The following FCRL2 variants were observed in gnomAD, a reference collection of about 807,000 sequenced individuals.
FCRL2 encodes Fc receptor like 2.
A neutral mutation model predicts 59.8 loss-of-function variants in FCRL2; 48 were observed. The observed-to-expected ratio is 0.80, with a 90% confidence interval of 0.64 to 1.02. The LOEUF (loss-of-function observed/expected upper bound fraction) is 1.02. Among genes scored for constraint, FCRL2 ranks in the 50% least tolerant of loss-of-function variants. The pLI, the probability that FCRL2 is intolerant of heterozygous loss-of-function variation, is 0.00. For missense variants in FCRL2, 658 were observed against 597.3 expected (o/e 1.10, Z -1.06); for synonymous variants, 251 against 229.5 (o/e 1.09, Z -0.85).
chr1:157,770,591 T>A lies in FCRL2; in HGVS notation c.128A>T (p.Asn43Ile), dbSNP rs760400703. ...SIVLKCQGEQ[N>I]WKIQKMAYHK... is the part of the protein sequence containing the mutation. ...GTAAGCCATCTTCTGAATTTTCCAG[T>A]TCTGTTCTCCCTGGCATTTCAGAAC... Residue 43 changes from asparagine to isoleucine, a missense_variant, in exon 3 of 12, where the codon AAC (asparagine) becomes ATC (isoleucine). Coordinates refer to ENST00000361516, the MANE Select transcript of FCRL2 (RefSeq NM_030764.4). 6.2e-7 allele frequency: 1 copy of A among 1,614,190 alleles called. No individual in the cohort carries two copies. Among genetic ancestry groups the A allele is most frequent in the East Asian group, 2.2e-5 (1 of 44,882 alleles).
At chr1:157,767,992 A>T (rs984050806) in intron 5 of FCRL2, 7 of 246,492 alleles carry the variant, frequency 2.8e-5, no homozygotes, top group Non-Finnish European at 4.6e-5. Context: ...CACACCAGTA[A>T]ATCACCAATA....
intron 5 of FCRL2, chr1:157,767,739 A>C: frequency 1.6e-4 from 243 of 1,486,708 alleles, no homozygotes; most frequent in Non-Finnish European, 1.9e-4. Flanking sequence ...TGTTGTTCTC[A>C]TCTGATTGTT....
intron 7 of FCRL2, among the ~76,000 whole-genome samples, chr1:157,757,297 T>C (rs957118285): frequency 1.4e-4 from 21 of 152,112 alleles, no homozygotes; most frequent in African/African-American, 5.1e-4. Flanking sequence ...GTGATTACAG[T>C]TGGAAATGGA....
chr1:157,768,825 C>T (rs1649746897), intron 4 of FCRL2, 124 bp from the exon 5 acceptor site: 1 of 935,860 alleles, frequency 1.1e-6, no homozygotes, highest in South Asian at 1.7e-5. Flanking sequence ...CCATTATAAG[C>T]ATTCCTATGG....
intron 1 of FCRL2, among the ~76,000 whole-genome samples, chr1:157,776,781 G>C: frequency 6.6e-6 from 1 of 151,818 alleles, no homozygotes; most frequent in Middle Eastern, 3.4e-3. Context: ...TGAGATCTAA[G>C]ATATCAAAAT....
rs554652859 is a variant in FCRL2 at position 157,768,945 on chromosome 1, T to G, written c.596-244A>C. On this transcript the variant is annotated intron_variant, in intron 4 of 11. Transcript: ENST00000361516. Reference sequence around the variant, plus strand: ...TAATATTTAAAGACTTTGTGATAGATCTCCATGAGACAGGAAACTGTTCAA... The same window carrying G: ...TAATATTTAAAGACTTTGTGATAGAGCTCCATGAGACAGGAAACTGTTCAA... 1.1e-4 allele frequency: 49 copies of G among 432,066 alleles called. 1 individual carries two copies. In the South Asian group the frequency reaches 2.2e-3, roughly 19 times the overall value. The allele number at this position is 432,066 out of a possible 1,614,324, so 26.8% of individuals were successfully genotyped here.
At position 157,770,557 on chromosome 1, in the gene FCRL2, A is replaced by G. The variant is rs375921670; in HGVS notation, c.162T>C (p.Asp54=). 3.7e-6 allele frequency: 6 copies of G among 1,614,240 alleles called. No individual in the cohort carries two copies. The highest frequency in any genetic ancestry group is 5.1e-6 in the Non-Finnish European group (6 of 1,180,030). Residue 54 remains aspartate, a synonymous_variant, in exon 3 of 12, where the codon GAT becomes GAC. Coordinates refer to ENST00000361516, the MANE Select transcript of FCRL2 (RefSeq NM_030764.4). ...TTTTGAAAACAGATAACTCTTTGTT[A>G]TCCTTATGGTAAGCCATCTTCTGAA... The part of the protein sequence containing the change: ...WKIQKMAYHK[D]NKELSVFKKF...
intron 7 of FCRL2, among the ~76,000 whole-genome samples, chr1:157,753,074 T>C (rs1300679884): frequency 4.6e-5 from 7 of 152,072 alleles, no homozygotes; most frequent in Non-Finnish European, 1.0e-4. Context: ...ACAAACAGAA[T>C]AGGGCATCAA....
At position 157,776,227 on chromosome 1, in the gene FCRL2, C is replaced by T. The variant is rs756337209; in HGVS notation, c.32-432G>A. 6.6e-5 allele frequency among the ~76,000 whole-genome samples: 10 copies of T among 152,178 alleles called. 1 individual carries two copies. Among genetic ancestry groups the T allele is most frequent in the African/African-American group, 1.9e-4 (8 of 41,456 alleles). On this transcript the variant is annotated intron_variant, in intron 1 of 11. Transcript: ENST00000361516. ...GTCTCTTTCCTATGGCCATATTTCA[C>T]GTTAGAGCCCTTTGTATTCCAATAA...
intron 2 of FCRL2, among the ~76,000 whole-genome samples, chr1:157,772,090 A>G (rs1348518357): frequency 6.6e-6 from 1 of 151,412 alleles, no homozygotes; most frequent in East Asian, 1.9e-4. Flanking sequence ...AATTAACTTA[A>G]TTCAAGATTT....
intron 7 of FCRL2, among the ~76,000 whole-genome samples, chr1:157,757,406 C>T (rs1648677835): frequency 6.6e-6 from 1 of 151,966 alleles, no homozygotes; most frequent in Non-Finnish European, 1.5e-5. Flanking sequence ...TTGAAGGGTA[C>T]AGCAAACAAC....
intron 7 of FCRL2, among the ~76,000 whole-genome samples, chr1:157,759,258 G>C (rs900317415): frequency 6.6e-6 from 1 of 152,180 alleles, no homozygotes; most frequent in African/African-American, 2.4e-5. Context: ...ATGTGGAACT[G>C]TGAGTCGATT....
chr1:157,756,529 A>C (rs1443830046), intron 7 of FCRL2, among the ~76,000 whole-genome samples: 1 of 152,136 alleles, frequency 6.6e-6, no homozygotes, highest in African/African-American at 2.4e-5. Context: ...GTAATTAAAA[A>C]ATTAGCAAGG....
At chr1:157,749,508 A>G (rs1648019123) in intron 8 of FCRL2, 142 bp downstream of exon 8, 2 of 578,812 alleles carry the variant, frequency 3.5e-6, no homozygotes, top group Admixed American at 6.0e-5. Flanking sequence ...GTAATGCAGT[A>G]GAGACAAGAG....
chr1:157,753,497 A>C (rs1386395770), intron 7 of FCRL2, among the ~76,000 whole-genome samples: 3 of 152,238 alleles, frequency 2.0e-5, no homozygotes, highest in Admixed American at 2.0e-4. Flanking sequence ...AGTTTAGGTA[A>C]GACAATGTCT....
At chr1:157,761,370 C>T (rs1057165705) in intron 7 of FCRL2, among the ~76,000 whole-genome samples, 2 of 152,188 alleles carry the variant, frequency 1.3e-5, no homozygotes, top group Admixed American at 6.5e-5. Context: ...AATCTCATCA[C>T]TTTGGGAGGC....
intron 7 of FCRL2, among the ~76,000 whole-genome samples, chr1:157,760,094 A>G (rs1446006210): frequency 1.3e-5 from 2 of 152,238 alleles, no homozygotes; most frequent in East Asian, 3.8e-4. Context: ...CATATACACT[A>G]TGGAATACTA....
intron 7 of FCRL2, among the ~76,000 whole-genome samples, chr1:157,757,487 T>TA (rs138890498): frequency 1.4e-4 from 21 of 147,986 alleles, no homozygotes; most frequent in East Asian, 1.4e-3. Context: ...AAAGTATAAT[T>TA]AAAAAAAAAA....
rs764361337 is a variant in FCRL2 at position 157,768,459 on chromosome 1, C to T, written c.838G>A (p.Gly280Ser). ...AGKYYCRADNGHVPIQSKVVN... is the reference protein window; with the variant it reads ...AGKYYCRADNSHVPIQSKVVN... ...ACCTTGCTCTGGATAGGCACATGGC[C>T]GTTGTCAGCTCTACAGTAATATTTG... Residue 280 changes from glycine to serine, a missense_variant, in exon 5 of 12, where the codon GGC becomes AGC. Coordinates refer to ENST00000361516, the MANE Select transcript of FCRL2 (RefSeq NM_030764.4). 27 of 1,614,192 alleles carry T rather than the reference C, an allele frequency of 1.7e-5. No individual in the cohort carries two copies. Among genetic ancestry groups the T allele is most frequent in the Non-Finnish European group, 2.0e-5 (24 of 1,180,026 alleles).
Sources: gnomAD v4.1 joint callset for allele counts (sites outside exome capture counted in the v4.1 genomes callset) on GRCh38, gnomAD v4.1.1 for gene constraint, MANE v1.5 for transcripts, NCBI Gene and HGNC (gene_info 2026-07-23, HGNC 2026-07-21) for gene names.